The following MCF2L2 variants were observed in gnomAD, a reference collection of about 807,000 sequenced individuals.
The protein encoded by MCF2L2 is probable guanine nucleotide exchange factor MCF2L2.
MCF2L2 carries 102 observed loss-of-function variants against 150.2 expected under a neutral mutation model. The observed-to-expected ratio is 0.68, with a 90% CI of 0.58 to 0.80. The LOEUF (loss-of-function observed/expected upper bound fraction) is 0.80, where lower values mean the gene tolerates loss of function less well. MCF2L2 is among the 30% of genes least tolerant of loss of function. The probability of loss-of-function intolerance (pLI) is 0.00; values close to 1 mark genes in which losing one functional copy is unlikely to be tolerated. For synonymous variants in MCF2L2, 465 were observed against 491.3 expected, an observed-to-expected ratio of 0.95 and a Z score of 0.71; for missense variants, 1,256 against 1,372.8, an observed-to-expected ratio of 0.91 and a Z score of 1.34.
intron 6 of MCF2L2, 82 bp downstream of exon 6, chr3:183,323,153 G>C (rs1007156817): frequency 5.2e-6 from 5 of 956,104 alleles, no homozygotes; most frequent in Non-Finnish European, 8.0e-6. Context: ...GTGACCTCCT[G>C]GCAGTTGATC....
chr3:183,313,206 T>C (rs1729456511), intron 7 of MCF2L2, among the ~76,000 whole-genome samples: 1 of 151,080 alleles, frequency 6.6e-6, no homozygotes, highest in African/African-American at 2.5e-5. Flanking sequence ...CCCACTCATT[T>C]TCTTAACTGC....
rs1033949281 is a variant in MCF2L2, at chr3:183,227,220, T to C, written c.2115+1077A>G. The C allele has an allele frequency of 1.3e-5, 2 of 152,222 alleles. No individual in the cohort carries two copies. The highest frequency in any genetic ancestry group is 2.4e-5 in the African/African-American group (1 of 41,458). The allele number at this position is 152,222 out of a possible 1,614,324, so 9.4% of individuals were successfully genotyped here. On this transcript the variant is annotated intron_variant, in intron 18 of 29. Transcript: ENST00000328913. The surrounding 1 kb of genome is among the most constrained non-coding windows in gnomAD (Gnocchi z 4.0). ...GCACAGGGGGTCAGGATCATCTCCA[T>C]GGTCGTGTCCTAGAAAGTACCTGGT...
intron 1 of MCF2L2, among the ~76,000 whole-genome samples, chr3:183,418,751 G>A (rs1009677022): frequency 3.3e-5 from 5 of 152,238 alleles, no homozygotes; most frequent in African/African-American, 1.2e-4. Flanking sequence ...CAAGGGATGG[G>A]CTCCCAAGGC....
chr3:183,228,283 GAGTAC>G lies in MCF2L2; in HGVS notation c.2115+9_2115+13del. The G allele has an allele frequency of 6.2e-7, 1 of 1,600,342 alleles. No individual in the cohort carries two copies. Reference sequence around the variant, plus strand: ...TGACTTTAACATGATTATTTACTGGGAGTACAGACTTACTCTCTTGAGAAAGCAAT... The same window carrying G: ...TGACTTTAACATGATTATTTACTGGGAGACTTACTCTCTTGAGAAAGCAAT... On this transcript the variant is annotated intron_variant, in intron 18 of 29. Coordinates refer to ENST00000328913, the MANE Select transcript of MCF2L2 (RefSeq NM_015078.4).
At chr3:183,424,991 G>A (rs1490287206) in intron 1 of MCF2L2, among the ~76,000 whole-genome samples, 2 of 152,166 alleles carry the variant, frequency 1.3e-5, no homozygotes, top group Non-Finnish European at 2.9e-5. Context: ...ATCTTAGGCT[G>A]CAGAGAATGA....
At chr3:183,426,284 A>G (rs1716159080) in intron 1 of MCF2L2, among the ~76,000 whole-genome samples, 1 of 152,224 alleles carries the variant, frequency 6.6e-6, no homozygotes, top group African/African-American at 2.4e-5. Flanking sequence ...CCTGCTCCAG[A>G]GAAATAGGAG....
At chr3:183,205,178 A>G (rs1438154204) in intron 25 of MCF2L2, among the ~76,000 whole-genome samples, 1 of 152,190 alleles carries the variant, frequency 6.6e-6, no homozygotes, top group Non-Finnish European at 1.5e-5. Context: ...CAGGAGATCA[A>G]GACCATCCTG....
intron 15 of MCF2L2, among the ~76,000 whole-genome samples, chr3:183,261,711 A>G (rs1725603220): frequency 6.6e-6 from 1 of 152,108 alleles, no homozygotes; most frequent in South Asian, 2.1e-4. Context: ...CCGCAAGGAA[A>G]AAACCAGAGC....
At chr3:183,292,795 A>G (rs937195870) in intron 13 of MCF2L2, among the ~76,000 whole-genome samples, 1 of 152,202 alleles carries the variant, frequency 6.6e-6, no homozygotes, top group African/African-American at 2.4e-5. Context: ...TATGAAACTA[A>G]TTCAATAGAT....
chr3:183,398,798 C>T (rs1342384797), intron 1 of MCF2L2, among the ~76,000 whole-genome samples: 1 of 152,100 alleles, frequency 6.6e-6, no homozygotes, highest in Non-Finnish European at 1.5e-5. Flanking sequence ...CTTTTAGATA[C>T]TCACAAAACT....
chr3:183,341,582 T>C lies in MCF2L2; in HGVS notation c.324A>G (p.Arg108=). Residue 108 remains arginine, a synonymous_variant, in exon 4 of 30, where the codon AGA becomes AGG. Coordinates refer to ENST00000328913, the MANE Select transcript of MCF2L2 (RefSeq NM_015078.4). ...ATGCCTTTACGGAGCTCCACTTGTC[T>C]CTTCGTCTGTCGATAACAACAATGA... ...IGFIVVIDRR[R]DKWSSVKASL... is the part of the protein sequence containing the mutation. The C allele has an allele frequency of 6.2e-7, 1 of 1,614,146 alleles. No individual in the cohort carries two copies. The highest frequency in any genetic ancestry group is 8.5e-7 in the Non-Finnish European group (1 of 1,179,964).
intron 15 of MCF2L2, among the ~76,000 whole-genome samples, chr3:183,258,643 C>G (rs1003695028): frequency 6.6e-6 from 1 of 152,110 alleles, no homozygotes; most frequent in East Asian, 1.9e-4. Context: ...AGGACACCAC[C>G]CCCCCGCCCC....
rs1388447713 is a variant in MCF2L2, at chr3:183,416,065, T to C, written c.76+11837A>G. ...AGTGGTTATTCTATAGTTTTTCATA[T>C]ACATCTTATCAAAATCTACTTCAGA... On this transcript the variant is annotated intron_variant, in intron 1 of 29. Coordinates refer to ENST00000328913, the MANE Select transcript of MCF2L2 (RefSeq NM_015078.4). Among the ~76,000 whole-genome samples the C allele has an allele frequency of 3.3e-5, 5 of 152,290 alleles. No homozygotes were observed. In the South Asian group the frequency reaches 1.0e-3, roughly 32 times the overall value.
At chr3:183,400,597 T>A (rs918028171) in intron 1 of MCF2L2, 4 of 389,922 alleles carry the variant, frequency 1.0e-5, no homozygotes, top group African/African-American at 8.3e-5. Flanking sequence ...CTCCCTGAAG[T>A]TCACTCGAGG....
rs561964982 is a variant in MCF2L2, at chr3:183,293,095, C to A, written c.1675+2205G>T. 7.3e-4 allele frequency among the ~76,000 whole-genome samples: 111 copies of A among 152,182 alleles called. 1 individual carries two copies. Among genetic ancestry groups the A allele is most frequent in the African/African-American group, 2.2e-3 (90 of 41,534 alleles). On this transcript the variant is annotated intron_variant, in intron 13 of 29. Coordinates refer to ENST00000328913, the MANE Select transcript of MCF2L2 (RefSeq NM_015078.4). ...TCACAGTGTATAAAAAGGCAAGACC[C>A]AACTATATGCTGCCTACAACAAATA...
chr3:183,270,854 A>G lies in MCF2L2; in HGVS notation c.1862+6018T>C, dbSNP rs201823168. 1.8e-5 allele frequency: 29 copies of G among 1,613,384 alleles called. 1 individual carries two copies. In the East Asian group the frequency reaches 6.2e-4, roughly 35 times the overall value. ...TTTCCAAAGGTTTTTTTGGTCAAAT[A>G]TACTGCAGATTAATGAAGATAATTC... On this transcript the variant is annotated intron_variant, in intron 15 of 29. Transcript: ENST00000328913. This position sits in a 1 kb window ranked among gnomAD's most constrained non-coding sequence, Gnocchi z 4.5.
intron 14 of MCF2L2, among the ~76,000 whole-genome samples, chr3:183,279,186 C>T (rs1168546474): frequency 1.3e-5 from 2 of 152,052 alleles, no homozygotes; most frequent in African/African-American, 2.4e-5. Context: ...TACACACACA[C>T]ATTTTTTCAT....
intron 23 of MCF2L2, among the ~76,000 whole-genome samples, chr3:183,206,573 C>T (rs1722480083): frequency 6.6e-6 from 1 of 152,120 alleles, no homozygotes; most frequent in Non-Finnish European, 1.5e-5. Context: ...ACATAAATAA[C>T]AAGGCCAGGT....
chr3:183,231,097 T>C (rs949972176), intron 15 of MCF2L2, 80 bp from the exon 16 acceptor site: 2 of 1,073,166 alleles, frequency 1.9e-6, no homozygotes, highest in African/African-American at 3.1e-5. Flanking sequence ...TCTGTTAGAA[T>C]AATGCTCATC....
Sources: gnomAD v4.1 joint callset for allele counts (sites outside exome capture counted in the v4.1 genomes callset) on GRCh38, gnomAD v4.1.1 for gene constraint, Gnocchi (gnomAD v3.1) non-coding constraint, MANE v1.5 for transcripts, NCBI Gene and HGNC (gene_info 2026-07-23, HGNC 2026-07-21) for gene names.